The following DMD variants were observed in gnomAD, a reference collection of about 807,000 sequenced individuals.
The protein encoded by DMD is dystrophin.
A neutral mutation model predicts 330.1 loss-of-function variants in DMD; 63 were observed. The observed-to-expected ratio is 0.19, with a 90% CI of 0.16 to 0.24. DMD has a LOEUF of 0.24. Ranked by LOEUF, DMD falls within the 10% of genes least tolerant of loss-of-function variation. The pLI is 1.00. For synonymous variants in DMD, 1,223 were observed against 959.8 expected (o/e 1.27, Z -5.07); for missense variants, 3,344 against 2,684.1 (o/e 1.25, Z -5.43).
chrX:32,830,671 G>A (rs1266306134), intron 4 of DMD, among the ~76,000 whole-genome samples: 2 of 111,824 alleles, frequency 1.8e-5, no homozygotes, highest in East Asian at 2.8e-4. Flanking sequence ...GTTAAACTAC[G>A]CAGCACAATT....
At chrX:32,425,439 T>C (rs986511985) in intron 29 of DMD, among the ~76,000 whole-genome samples, 33 of 111,572 alleles carry the variant, frequency 3.0e-4, no homozygotes, top group African/African-American at 8.8e-4. Flanking sequence ...CTCTTATATA[T>C]TATGTCTTTC....
At position 32,287,892 on chromosome X, in the gene DMD, C is replaced by A. The variant is rs2097449605; in HGVS notation, c.6118-191G>T. Among the ~76,000 whole-genome samples the A allele has an allele frequency of 3.6e-5, 4 of 110,422 alleles. No homozygotes were observed. The South Asian group carries it at 1.6e-3, about 43-fold the overall frequency. On this transcript the variant is annotated intron_variant, in intron 42 of 78. Transcript: ENST00000357033. ...TCAAATTCAATAGGTAAATCACAGACCTCATCCTGAGAGAGTGGATCGCTC... is the reference window on the plus strand; with the variant it reads ...TCAAATTCAATAGGTAAATCACAGAACTCATCCTGAGAGAGTGGATCGCTC...
At chrX:32,385,747 C>T (rs1302169600) in intron 33 of DMD, among the ~76,000 whole-genome samples, 2 of 109,990 alleles carry the variant, frequency 1.8e-5, no homozygotes, top group Admixed American at 9.8e-5. Context: ...ATTACAGAGA[C>T]GTAGGTCTTA....
At chrX:32,803,594 T>C (rs1421406889) in intron 7 of DMD, among the ~76,000 whole-genome samples, 1 of 112,042 alleles carries the variant, frequency 8.9e-6, no homozygotes. Context: ...TGTGGGCATT[T>C]AGTGCTATAA....
chrX:32,676,542 T>A (rs1319450978), intron 9 of DMD, among the ~76,000 whole-genome samples: 1 of 111,571 alleles, frequency 9.0e-6, no homozygotes. Flanking sequence ...TTCTGGATCC[T>A]TTACACTATG....
intron 9 of DMD, among the ~76,000 whole-genome samples, chrX:32,660,137 G>A (rs939119356): frequency 2.7e-5 from 3 of 110,974 alleles, no homozygotes; most frequent in African/African-American, 6.5e-5. Flanking sequence ...ATAGAACTGA[G>A]AAGAACGCAG....
chrX:31,302,105 C>G (rs1260450692), intron 62 of DMD, among the ~76,000 whole-genome samples: 1 of 111,882 alleles, frequency 8.9e-6, no homozygotes, highest in South Asian at 3.7e-4. Flanking sequence ...AAAGCAACTA[C>G]CAACATCAAA....
At chrX:31,546,116 G>T (rs1176717472) in intron 55 of DMD, among the ~76,000 whole-genome samples, 1 of 112,219 alleles carries the variant, frequency 8.9e-6, no homozygotes, top group South Asian at 3.7e-4. Flanking sequence ...TGTATTAGAT[G>T]ATTTTCCCGA....
chrX:32,328,101 T>A (rs769390093), intron 41 of DMD, among the ~76,000 whole-genome samples: 1 of 111,510 alleles, frequency 9.0e-6, no homozygotes, highest in African/African-American at 3.2e-5. Flanking sequence ...CACTGGGAAA[T>A]AAAGAATGTG....
Position 31,276,080 on chromosome X carries a change from G to A in DMD, c.9225-15064C>T, listed in dbSNP as rs750838609. ...TGTTTTTTGTTTTTTGTTTTGAGAC[G>A]GAGTCTCACTCTGTCACCCAGGTCG... On this transcript the variant is annotated intron_variant, in intron 62 of 78. Transcript: ENST00000357033. 2.1e-4 allele frequency among the ~76,000 whole-genome samples: 24 copies of A among 111,803 alleles called. No homozygotes were observed. The South Asian group carries it at 5.3e-3, about 25-fold the overall frequency.
intron 7 of DMD, among the ~76,000 whole-genome samples, chrX:32,800,884 CCT>C (rs1491270110): frequency 9.0e-6 from 1 of 111,585 alleles, no homozygotes. Flanking sequence ...TGAAACTCAT[CCT>C]TTTTTGTTGC....
At chrX:32,971,031 G>A (rs1437131634) in intron 2 of DMD, among the ~76,000 whole-genome samples, 2 of 110,024 alleles carry the variant, frequency 1.8e-5, no homozygotes, top group African/African-American at 3.3e-5. Flanking sequence ...GCGCAATTTC[G>A]GCTCATGGCA....
chrX:32,883,823 C>CCAAAAAAAAAAAAAAAAAAAAAAA (rs1169678184), intron 2 of DMD, among the ~76,000 whole-genome samples: 1 of 30,352 alleles, frequency 3.3e-5, no homozygotes, highest in African/African-American at 1.4e-4. Flanking sequence ...GACTCTGTTT[C>CCAAAAAAAAAAAAAAAAAAAAAAA]AAAAAAAAAA....
In DMD at chrX:32,380,656, C is replaced by A; in HGVS notation, c.4699G>T (p.Glu1567Ter). ...AKVTERKQQLEKCLKLSRKMR... is the reference protein window; with the variant it reads ...AKVTERKQQL Reference sequence around the variant, plus strand: ...TTACGGGACAATTTCAAGCATTTCTCCAACTGTTGCTTTCTTTCTGTTACC... The same window carrying A: ...TTACGGGACAATTTCAAGCATTTCTACAACTGTTGCTTTCTTTCTGTTACC... Residue 1567 changes from glutamate (E) to a stop codon, truncating the protein, a stop_gained, in exon 34 of 79, where the codon GAG (glutamate) becomes TAG (stop). Coordinates refer to ENST00000357033, the MANE Select transcript of DMD (RefSeq NM_004006.3). LOFTEE classifies it high-confidence loss of function. The A allele has an allele frequency of 8.3e-7, 1 of 1,207,550 alleles. No individual in the cohort carries two copies. Among genetic ancestry groups the A allele is most frequent in the South Asian group, 1.8e-5 (1 of 56,832 alleles).
chrX:31,868,542 G>T (rs1369463774), intron 48 of DMD, among the ~76,000 whole-genome samples: 10 of 111,741 alleles, frequency 8.9e-5, no homozygotes, highest in Non-Finnish European at 1.7e-4. Context: ...TCATATTTGA[G>T]AATTAAGTGC....
intron 2 of DMD, among the ~76,000 whole-genome samples, chrX:32,945,820 T>C (rs2090767424): frequency 9.0e-6 from 1 of 111,694 alleles, no homozygotes; most frequent in Non-Finnish European, 1.9e-5. Context: ...AGGATGTAAA[T>C]AGATTCTCTT....
At chrX:32,364,271 T>C (rs1005899137) in intron 36 of DMD, among the ~76,000 whole-genome samples, 1 of 112,372 alleles carries the variant, frequency 8.9e-6, no homozygotes, top group Non-Finnish European at 1.9e-5. Flanking sequence ...CACAAGAATG[T>C]AGTACCACCA....
At chrX:32,659,813 C>T (rs914873026) in intron 9 of DMD, among the ~76,000 whole-genome samples, 1 of 110,628 alleles carries the variant, frequency 9.0e-6, no homozygotes, top group African/African-American at 3.3e-5. Context: ...TTCTTCAATG[C>T]AGTGTTGGCT....
At chrX:31,198,764 C>T (rs1298652386) in intron 67 of DMD, among the ~76,000 whole-genome samples, 1 of 111,438 alleles carries the variant, frequency 9.0e-6, no homozygotes, top group Admixed American at 9.5e-5. Flanking sequence ...TGTCATTGAC[C>T]AAAACGTCAT....
Sources: allele counts gnomAD v4.1 joint callset (sites outside exome capture counted in the v4.1 genomes callset), GRCh38; gene constraint gnomAD v4.1.1; transcripts MANE v1.5; gene names NCBI Gene and HGNC (gene_info 2026-07-23, HGNC 2026-07-21).